The following TICAM2 variants were observed in gnomAD, a reference collection of about 807,000 sequenced individuals.
TICAM2 encodes the protein TIR domain-containing adapter molecule 2.
In TICAM2, 8 loss-of-function variants were observed where a neutral mutation model predicts 7.3. That is an observed-to-expected ratio of 1.10 (90% CI 0.65 to 1.99). The LOEUF (loss-of-function observed/expected upper bound fraction) is 1.99. Ranked by LOEUF, TICAM2 falls within the 30% of genes most tolerant of loss-of-function variation. The pLI, the probability that TICAM2 is intolerant of heterozygous loss-of-function variation, is 0.00. For synonymous variants in TICAM2, 113 were observed against 99.6 expected (o/e 1.13, Z -0.80); for missense variants, 304 against 278.8 (o/e 1.09, Z -0.65).
At chr5:115,599,387 A>T (rs1755631168) in intron 1 of TICAM2, among the ~76,000 whole-genome samples, 1 of 152,160 alleles carries the variant, frequency 6.6e-6, no homozygotes, top group Non-Finnish European at 1.5e-5. Flanking sequence ...ATGAAAACTG[A>T]TGGTAAAGGG....
chr5:115,597,431 A>T (rs770528626), intron 1 of TICAM2, among the ~76,000 whole-genome samples: 3 of 152,212 alleles, frequency 2.0e-5, no homozygotes, highest in Non-Finnish European at 2.9e-5. Flanking sequence ...AATATCCAAA[A>T]ACTGGGGAAT....
chr5:115,585,217 G>A (rs1190448717), intron 1 of TICAM2, among the ~76,000 whole-genome samples: 1 of 152,170 alleles, frequency 6.6e-6, no homozygotes, highest in Non-Finnish European at 1.5e-5. Context: ...CACATAGTAA[G>A]TACTCAATAA....
intron 1 of TICAM2, among the ~76,000 whole-genome samples, chr5:115,593,138 A>G (rs2127201942): frequency 6.6e-6 from 1 of 152,348 alleles, no homozygotes; most frequent in Non-Finnish European, 1.5e-5. Flanking sequence ...ATGAGATTCT[A>G]TCTCAAAAAT....
intron 1 of TICAM2, among the ~76,000 whole-genome samples, chr5:115,601,772 C>T (rs1490628235): frequency 1.3e-5 from 2 of 152,180 alleles, no homozygotes; most frequent in Non-Finnish European, 2.9e-5. Flanking sequence ...CTGGCAGGGG[C>T]TCATGCAGAG....
chr5:115,580,906 A>G lies in TICAM2; in HGVS notation c.351T>C (p.Cys117=). The stretch of plus-strand genomic sequence containing the variant: ...CTAAATTCTGTAAATGCTGTCTGCC[A>G]CATGGCATCTCAGCAAAGATTATTC... ...KPGIIFAEMP[C]GRQHLQNLDD... is the part of the protein sequence containing the mutation. Residue 117 remains cysteine, a synonymous_variant, in exon 2 of 2, where the codon TGT becomes TGC. Coordinates refer to ENST00000427199, the MANE Select transcript of TICAM2 (RefSeq NM_021649.7). 1.2e-6 allele frequency: 2 copies of G among 1,613,930 alleles called. No homozygotes were observed. The highest frequency in any genetic ancestry group is 1.7e-6 in the Non-Finnish European group (2 of 1,179,802).
chr5:115,601,088 C>G (rs1403476295), intron 1 of TICAM2, among the ~76,000 whole-genome samples: 2 of 152,194 alleles, frequency 1.3e-5, no homozygotes, highest in South Asian at 2.1e-4. Flanking sequence ...TATCTATTTT[C>G]TGATTTGAAT....
intron 1 of TICAM2, among the ~76,000 whole-genome samples, chr5:115,600,260 C>A (rs1462212347): frequency 6.6e-6 from 1 of 152,296 alleles, no homozygotes; most frequent in Non-Finnish European, 1.5e-5. Context: ...TCTGTCCATA[C>A]TAAATTTAAA....
At chr5:115,583,534 GA>G (rs753858095) in intron 1 of TICAM2, among the ~76,000 whole-genome samples, 1 of 152,260 alleles carries the variant, frequency 6.6e-6, no homozygotes, top group East Asian at 1.9e-4. Context: ...CAGACCGAGA[GA>G]AAAAAACTAG....
intron 1 of TICAM2, among the ~76,000 whole-genome samples, chr5:115,595,146 G>A (rs1755460310): frequency 6.6e-6 from 1 of 152,070 alleles, no homozygotes; most frequent in Non-Finnish European, 1.5e-5. Flanking sequence ...AATAGTACCT[G>A]GGCCATAATA....
In TICAM2 at chr5:115,579,125, G is replaced by C. The variant is rs1754826198; in HGVS notation, c.*1424C>G. 1 of 152,502 alleles carries C rather than the reference G, an allele frequency of 6.6e-6. No homozygotes were observed. Among genetic ancestry groups the C allele is most frequent in the Admixed American group, 6.5e-5 (1 of 15,280 alleles). 9.4% of individuals were successfully genotyped at this position (152,502 alleles called of 1,614,324 possible). A position where few individuals can be genotyped will look rare whatever the true frequency, so the allele number is the denominator to read the frequency against. On this transcript the variant is annotated 3_prime_UTR_variant, in exon 2 of 2. Transcript: ENST00000427199. ...GTAAGCATGTATATTTTTTTCCTGT[G>C]ACTTTAAGTGTAATGACAGCATTAA...
chr5:115,595,703 TA>T (rs1332406563), intron 1 of TICAM2, among the ~76,000 whole-genome samples: 2 of 152,194 alleles, frequency 1.3e-5, no homozygotes, highest in East Asian at 3.8e-4. Flanking sequence ...CTTTTATCCA[TA>T]AAATTTGCTC....
intron 1 of TICAM2, among the ~76,000 whole-genome samples, chr5:115,584,507 A>G (rs1755034774): frequency 6.6e-6 from 1 of 152,190 alleles, no homozygotes; most frequent in South Asian, 2.1e-4. Flanking sequence ...AGCATTTCAT[A>G]TGTGTGCAAG....
Position 115,580,530 on chromosome 5 carries a change from A to C in TICAM2, c.*19T>G. On this transcript the variant is annotated 3_prime_UTR_variant, in exon 2 of 2. Transcript: ENST00000427199. Reference sequence around the variant, plus strand: ...TTGGTTTACAAAACAAGAGCCAGCCACATGTTATATGTTTCATCTCAGGCA... The same window carrying C: ...TTGGTTTACAAAACAAGAGCCAGCCCCATGTTATATGTTTCATCTCAGGCA... 1 of 1,555,806 alleles carries C rather than the reference A, an allele frequency of 6.4e-7. No homozygotes were observed. Among genetic ancestry groups the C allele is most frequent in the Non-Finnish European group, 8.6e-7 (1 of 1,158,718 alleles).
At chr5:115,587,072 A>C (rs1414587695) in intron 1 of TICAM2, among the ~76,000 whole-genome samples, 1 of 152,206 alleles carries the variant, frequency 6.6e-6, no homozygotes, top group Non-Finnish European at 1.5e-5. Flanking sequence ...TTTGCACCGG[A>C]CATTTATGGC....
chr5:115,581,509 G>A (rs1306925412), intron 1 of TICAM2, among the ~76,000 whole-genome samples, 194 bp from the exon 2 acceptor site: 5 of 152,068 alleles, frequency 3.3e-5, no homozygotes, highest in African/African-American at 9.7e-5. Context: ...GGCAGCGAAG[G>A]GAACATTAAA....
chr5:115,601,135 C>T (rs569785858), intron 1 of TICAM2, among the ~76,000 whole-genome samples: 5 of 150,314 alleles, frequency 3.3e-5, no homozygotes, highest in African/African-American at 1.2e-4. Context: ...CCATTTATAA[C>T]CATCCTACTA....
At chr5:115,582,143 TATTTATTC>T (rs1480759590) in intron 1 of TICAM2, among the ~76,000 whole-genome samples, 2 of 152,104 alleles carry the variant, frequency 1.3e-5, no homozygotes, top group Admixed American at 6.5e-5. Context: ...TGTTGTTATT[TATTTATTC>T]ATTTATTTAT....
intron 1 of TICAM2, among the ~76,000 whole-genome samples, chr5:115,582,274 A>G (rs1754953937): frequency 6.6e-6 from 1 of 151,036 alleles, no homozygotes; most frequent in Non-Finnish European, 1.5e-5. Context: ...CTCCCACCTC[A>G]GCTTCTGGAG....
chr5:115,584,387 ATCAT>A, intron 1 of TICAM2, among the ~76,000 whole-genome samples: 1 of 152,288 alleles, frequency 6.6e-6, no homozygotes, highest in Middle Eastern at 3.4e-3. Flanking sequence ...CAACTACATA[ATCAT>A]GCAGCATGTG....
Sources: allele counts gnomAD v4.1 joint callset (sites outside exome capture counted in the v4.1 genomes callset), GRCh38; gene constraint gnomAD v4.1.1; transcripts MANE v1.5; gene names NCBI Gene and HGNC (gene_info 2026-07-23, HGNC 2026-07-21).